The following GAB4 variants were observed in gnomAD, a reference collection of about 807,000 sequenced individuals.
GAB4 encodes the protein GRB2 associated binding protein family member 4.
In GAB4, 26 loss-of-function variants were observed where a neutral mutation model predicts 51.3. The ratio of observed to expected loss-of-function variants is 0.51; its 90% CI spans 0.37 to 0.70. The LOEUF (loss-of-function observed/expected upper bound fraction) is 0.70, where lower values mean the gene tolerates loss of function less well. Among genes scored for constraint, GAB4 ranks in the 30% least tolerant of loss-of-function variants. The probability of loss-of-function intolerance (pLI) is 0.00; values close to 1 mark genes in which losing one functional copy is unlikely to be tolerated. For missense variants in GAB4, 759 were observed against 734.6 expected (o/e 1.03, Z -0.38); for synonymous variants, 329 against 291.2 (o/e 1.13, Z -1.32).
At chr22:17,002,067 T>G (rs2061002172) in intron 1 of GAB4, among the ~76,000 whole-genome samples, 1 of 152,148 alleles carries the variant, frequency 6.6e-6, no homozygotes, top group Admixed American at 6.5e-5. Flanking sequence ...CTGTTATGGC[T>G]TCCCTTTGCC....
At position 16,988,029 on chromosome 22, in the gene GAB4, C is replaced by G. The variant is rs1156606045; in HGVS notation, c.617G>C (p.Trp206Ser). Residue 206 changes from tryptophan to serine, a missense_variant, in exon 3 of 10, where the codon TGG (tryptophan) becomes TCG (serine). Trp to Ser is a radical substitution (Grantham distance 177). This residue lies in a region of GAB4 where 588 missense variants were observed against 510.2 expected (regional missense o/e 1.15). Transcript: ENST00000400588. ...PPVSHCVPPT[W>S]PIPAPPGCLR... Reference sequence around the variant, plus strand: ...ACACCCCGGAGGTGCAGGGATGGGCCAGGTGGGCGGCACACAGTGAGACAC... The same window carrying G: ...ACACCCCGGAGGTGCAGGGATGGGCGAGGTGGGCGGCACACAGTGAGACAC... The G allele has an allele frequency of 6.2e-7, 1 of 1,608,854 alleles. No homozygotes were observed. The highest frequency in any genetic ancestry group is 8.5e-7 in the Non-Finnish European group (1 of 1,178,098).
rs777387740 is a variant in GAB4 at position 17,008,123 on chromosome 22, CA to C, written c.-10del. 1.4e-5 allele frequency: 22 copies of C among 1,590,794 alleles called. No homozygotes were observed. The highest frequency in any genetic ancestry group is 1.9e-5 in the Non-Finnish European group (22 of 1,165,692). ...GGGGACGGCAGGGACATGGGGGCTGCAGCTCACAGTGAAGGTGGGGGAGACA... is the reference window on the plus strand; with the variant it reads ...GGGGACGGCAGGGACATGGGGGCTGCGCTCACAGTGAAGGTGGGGGAGACA... On this transcript the variant is annotated 5_prime_UTR_variant, in exon 1 of 10. Coordinates refer to ENST00000400588, the MANE Select transcript of GAB4 (RefSeq NM_001037814.1).
chr22:16,975,572 G>A (rs2060770858), intron 3 of GAB4, among the ~76,000 whole-genome samples: 2 of 152,242 alleles, frequency 1.3e-5, no homozygotes, highest in Non-Finnish European at 2.9e-5. Flanking sequence ...AGGGGCAGCT[G>A]TGGGCGCAGT....
chr22:16,974,989 C>T (rs1225023402), intron 3 of GAB4, among the ~76,000 whole-genome samples: 1 of 152,304 alleles, frequency 6.6e-6, no homozygotes, highest in Non-Finnish European at 1.5e-5. Context: ...CCCAGATACA[C>T]TTTTCCTATG....
At chr22:16,985,961 C>T (rs925569390) in intron 3 of GAB4, among the ~76,000 whole-genome samples, 3 of 152,222 alleles carry the variant, frequency 2.0e-5, no homozygotes, top group African/African-American at 7.2e-5. Context: ...CAGACAGCCC[C>T]AAATGCTGGG....
chr22:17,006,855 T>TG (rs1238544859), intron 1 of GAB4, among the ~76,000 whole-genome samples: 1 of 152,048 alleles, frequency 6.6e-6, no homozygotes, highest in Admixed American at 6.6e-5. Flanking sequence ...TGTGGCCTAT[T>TG]GGGGTTGGGG....
rs754860854 is a variant in GAB4, at chr22:16,962,809, T to A, written c.1649A>T (p.Gln550Leu). 5.6e-6 allele frequency: 9 copies of A among 1,613,608 alleles called. No homozygotes were observed. Among genetic ancestry groups the A allele is most frequent in the African/African-American group, 1.3e-5 (1 of 74,926 alleles). The change falls in exon 10 of 10, where the codon CAG (glutamine) becomes CTG (leucine). Residue 550 changes from glutamine to leucine, a missense_variant. By Grantham distance (113) the Gln-to-Leu change is moderately radical. Coordinates refer to ENST00000400588, the MANE Select transcript of GAB4 (RefSeq NM_001037814.1). ...DYVQVDLEKT[Q>L]ALQKTMHEQM... ...TTCATGCATGGTCTTCTGCAGGGCC[T>A]GGGTCTTCTCCAGATCCACCTGGAC...
intron 7 of GAB4, 125 bp from the exon 8 acceptor site, chr22:16,964,987 T>A (rs1348575976): frequency 2.6e-6 from 2 of 781,916 alleles, no homozygotes; most frequent in Non-Finnish European, 4.2e-6. Context: ...GATCAAGAAC[T>A]GATAGGGACA....
intron 8 of GAB4, among the ~76,000 whole-genome samples, chr22:16,964,070 C>A (rs903999416): frequency 2.0e-5 from 3 of 152,136 alleles, no homozygotes; most frequent in African/African-American, 7.2e-5. Context: ...CACCCATGGC[C>A]CAGAGTAGGT....
At position 16,962,875 on chromosome 22, in the gene GAB4, G is replaced by C. The variant is rs767802003; in HGVS notation, c.1583C>G (p.Pro528Arg). 6.2e-7 allele frequency: 1 copy of C among 1,611,984 alleles called. No individual in the cohort carries two copies. The highest frequency in any genetic ancestry group is 8.5e-7 in the Non-Finnish European group (1 of 1,178,804). ...YAALDFQPSK[P>R]SIGSVTSGKK... is the part of the protein sequence containing the mutation. ...GCCGGACGTGACAGAGCCTATGGAT[G>C]GCTGAGGGACAGAGGGTGGAAGTGG... The change falls in exon 10 of 10, where the codon CCA (proline) becomes CGA (arginine). Residue 528 changes from proline to arginine, a missense_variant and splice_region_variant. This residue lies in a region of GAB4 where 588 missense variants were observed against 510.2 expected (regional missense o/e 1.15). Coordinates refer to ENST00000400588, the MANE Select transcript of GAB4 (RefSeq NM_001037814.1).
At chr22:17,007,214 G>A (rs1339656498) in intron 1 of GAB4, among the ~76,000 whole-genome samples, 2 of 152,112 alleles carry the variant, frequency 1.3e-5, no homozygotes, top group African/African-American at 4.8e-5. Context: ...AACAATTACC[G>A]CTTCCTCAGT....
rs139424257 is a variant in GAB4 at position 16,970,079 on chromosome 22, G to A, written c.801C>T (p.Ile267=). 106 of 1,614,192 alleles carry A rather than the reference G, an allele frequency of 6.6e-5. No homozygotes were observed. In the East Asian group the frequency reaches 2.2e-3, roughly 33 times the overall value. Residue 267 remains isoleucine, a synonymous_variant, in exon 4 of 10, where the codon ATC becomes ATT. Transcript: ENST00000400588. ...GCTTGGAAAGGCTATGGAAGCCATG[G>A]ATGTGACCGCTGACCCCATCAACAC... ...GYSVDGVSGH[I]HGFHSLSKPS...
chr22:16,994,319 C>A (rs2123711012), intron 1 of GAB4, among the ~76,000 whole-genome samples: 1 of 152,274 alleles, frequency 6.6e-6, no homozygotes, highest in East Asian at 1.9e-4. Context: ...AAACCGTACC[C>A]AATAAGCCTT....
chr22:16,976,412 G>T (rs915415805), intron 3 of GAB4, among the ~76,000 whole-genome samples: 3 of 152,078 alleles, frequency 2.0e-5, no homozygotes, highest in African/African-American at 7.2e-5. Context: ...GCAGAAGAAA[G>T]GATATCAGAG....
At position 17,008,157 on chromosome 22, in the gene GAB4, A is replaced by T; in HGVS notation, c.-43T>A. ...GTGAAGGTGGGGGAGACAGGGCGAG[A>T]GGGCGTTGCTGGAGGTGGGGTGTGA... On this transcript the variant is annotated 5_prime_UTR_variant, in exon 1 of 10. Transcript: ENST00000400588. 1 of 1,442,702 alleles carries T rather than the reference A, an allele frequency of 6.9e-7. No homozygotes were observed. The highest frequency in any genetic ancestry group is 9.6e-7 in the Non-Finnish European group (1 of 1,044,058). 89.4% of individuals were successfully genotyped at this position (1,442,702 alleles called of 1,614,324 possible).
Position 16,968,309 on chromosome 22 carries a change from A to T in GAB4, c.1012T>A (p.Cys338Ser). 6.2e-7 allele frequency: 1 copy of T among 1,613,340 alleles called. No homozygotes were observed. Among genetic ancestry groups the T allele is most frequent in the East Asian group, 2.2e-5 (1 of 44,882 alleles). The change falls in exon 5 of 10, where the codon TGT (cysteine) becomes AGT (serine). Residue 338 changes from cysteine to serine, a missense_variant. By Grantham distance (112) the Cys-to-Ser change is moderately radical. Around this residue, in one of 3 missense-constraint regions of GAB4, gnomAD observed 588 missense variants for 510.2 expected, o/e 1.15. Transcript: ENST00000400588. ...TAAGCCATACTCACCAGGAAAGAAC[A>T]GACTCCCTCATGCATGGACTCAGCA... ...RPAESMHEGV[C>S]SFLPGRTLVG...
chr22:16,973,019 T>A (rs2060745520), intron 3 of GAB4, among the ~76,000 whole-genome samples: 1 of 152,192 alleles, frequency 6.6e-6, no homozygotes, highest in South Asian at 2.1e-4. Context: ...CTGGGCTTTG[T>A]CCTGTTGTCA....
At position 16,966,190 on chromosome 22, in the gene GAB4, G is replaced by T. The variant is rs1342034089; in HGVS notation, c.1198C>A (p.Leu400Ile). The change falls in exon 6 of 10, where the codon CTC becomes ATC. Residue 400 changes from leucine (L) to isoleucine (I), a missense_variant. Coordinates refer to ENST00000400588, the MANE Select transcript of GAB4 (RefSeq NM_001037814.1). ...LVRFDLLGSPLTELSMHQDLS... is the reference protein window; with the variant it reads ...LVRFDLLGSPITELSMHQDLS... ...TCTTGGTGCATAGAAAGCTCTGTGA[G>T]TGGGGAGCCAAGCAGGTCAAAGCGA... is the stretch of plus-strand genomic sequence containing the variant. 2 of 1,614,074 alleles carry T rather than the reference G, an allele frequency of 1.2e-6. No individual in the cohort carries two copies. Among genetic ancestry groups the T allele is most frequent in the Non-Finnish European group, 1.7e-6 (2 of 1,179,992 alleles).
chr22:16,978,247 T>A (rs2060796827), intron 3 of GAB4, among the ~76,000 whole-genome samples: 1 of 152,054 alleles, frequency 6.6e-6, no homozygotes, highest in Non-Finnish European at 1.5e-5. Context: ...CCACGAGCTG[T>A]CTTTTGGAAA....
Sources: gnomAD v4.1 joint callset for allele counts (sites outside exome capture counted in the v4.1 genomes callset) on GRCh38, gnomAD v4.1.1 for gene constraint, gnomAD v4.1.1 regional missense constraint, MANE v1.5 for transcripts, NCBI Gene and HGNC (gene_info 2026-07-23, HGNC 2026-07-21) for gene names.